Variants in SCAP observed in about 807,000 individuals in gnomAD.
SCAP encodes the protein SREBF chaperone, also known as sterol regulatory element-binding protein cleavage-activating protein.
A neutral mutation model predicts 123.6 loss-of-function variants in SCAP; 65 were observed. That is an observed-to-expected ratio of 0.53 (90% CI 0.43 to 0.65). SCAP has a LOEUF of 0.65. Among genes scored for constraint, SCAP ranks in the 30% least tolerant of loss-of-function variants. The probability of loss-of-function intolerance (pLI) is 0.00; values close to 1 mark genes in which losing one functional copy is unlikely to be tolerated. For missense variants in SCAP, 1,398 were observed against 1,712.5 expected (o/e 0.82, Z 3.24); for synonymous variants, 740 against 726.3 (o/e 1.02, Z -0.30).
At chr3:47,460,803 G>A (rs907926858) in intron 1 of SCAP, among the ~76,000 whole-genome samples, 5 of 152,234 alleles carry the variant, frequency 3.3e-5, no homozygotes, top group South Asian at 2.1e-4. Flanking sequence ...TGATCCACCC[G>A]CCTCGACCTC....
At chr3:47,434,607 G>A (rs1341201239) in intron 3 of SCAP, among the ~76,000 whole-genome samples, 1 of 152,224 alleles carries the variant, frequency 6.6e-6, no homozygotes, top group Non-Finnish European at 1.5e-5. Flanking sequence ...GGAGGCCAAG[G>A]CGGGTAGATC....
chr3:47,440,391 C>A (rs1031010312), intron 2 of SCAP, among the ~76,000 whole-genome samples: 1 of 152,034 alleles, frequency 6.6e-6, no homozygotes, highest in African/African-American at 2.4e-5. Context: ...TGGCCAAGTC[C>A]CAGAATCTAT....
chr3:47,467,876 T>TC (rs1707888787), intron 1 of SCAP, among the ~76,000 whole-genome samples: 1 of 76,098 alleles, frequency 1.3e-5, no homozygotes, highest in Non-Finnish European at 2.7e-5. Flanking sequence ...CCCTCCCCCC[T>TC]CCCCCCATCC....
chr3:47,428,596 G>A lies in SCAP; in HGVS notation c.327C>T (p.Leu109=), dbSNP rs1050234969. Residue 109 remains leucine (L), a synonymous_variant, in exon 4 of 23, where the codon CTC becomes CTT. Transcript: ENST00000265565. ...GTGAACGAAATACATCTACTGCCAGGAGGTTCTTGTGCCAGGGAAACACTG... is the reference window on the plus strand; with the variant it reads ...GTGAACGAAATACATCTACTGCCAGAAGGTTCTTGTGCCAGGGAAACACTG... The part of the protein sequence containing the change: ...KSSVFPWHKN[L]LAVDVFRSPL... 6 of 1,614,012 alleles carry A rather than the reference G, an allele frequency of 3.7e-6. No individual in the cohort carries two copies. Among genetic ancestry groups the A allele is most frequent in the Non-Finnish European group, 5.1e-6 (6 of 1,180,012 alleles).
intron 2 of SCAP, among the ~76,000 whole-genome samples, chr3:47,441,516 GA>G (rs1287372348): frequency 6.7e-6 from 1 of 149,628 alleles, no homozygotes; most frequent in Non-Finnish European, 1.5e-5. Flanking sequence ...TAACTTAAAG[GA>G]AAAAAAAACC....
At chr3:47,424,971 A>C (rs1387693252) in intron 8 of SCAP, among the ~76,000 whole-genome samples, 1 of 152,222 alleles carries the variant, frequency 6.6e-6, no homozygotes, top group Non-Finnish European at 1.5e-5. Context: ...TCAGTGAAAA[A>C]GGCGACAAAT....
intron 16 of SCAP, 21 bp from the exon 17 acceptor site, chr3:47,417,847 G>A: frequency 1.3e-6 from 2 of 1,497,344 alleles, no homozygotes; most frequent in African/African-American, 1.8e-5. Context: ...GGAGGGCGGA[G>A]TGAGAGGGGG....
chr3:47,422,661 T>C, intron 9 of SCAP, 125 bp from the exon 10 acceptor site: 1 of 724,776 alleles, frequency 1.4e-6, no homozygotes, highest in Non-Finnish European at 2.2e-6. Flanking sequence ...AAGGAGCCAT[T>C]CCACCAAAGC....
intron 1 of SCAP, among the ~76,000 whole-genome samples, chr3:47,467,737 A>G (rs909833863): frequency 2.6e-5 from 4 of 152,230 alleles, no homozygotes; most frequent in Non-Finnish European, 5.9e-5. Flanking sequence ...TGAGATACCA[A>G]TTCCCACCCA....
rs527488110 is a variant in SCAP at position 47,418,406 on chromosome 3, C to T, written c.2246G>A (p.Arg749Lys). The T allele has an allele frequency of 5.1e-6, 8 of 1,576,352 alleles. No homozygotes were observed. In the South Asian group the frequency reaches 9.2e-5, roughly 18 times the overall value. The change falls in exon 15 of 23, where the codon AGG becomes AAG. Residue 749 changes from arginine to lysine, a missense_variant. By Grantham distance (26) the Arg-to-Lys change is conservative (BLOSUM62 2). Around this residue, in one of 7 missense-constraint regions of SCAP, gnomAD observed 828 missense variants for 882.5 expected, o/e 0.94. Transcript: ENST00000265565. ...GTCGTCGCAGGGCAGCTCCCCGCGC[C>T]TCCGCCGCCCGGGCCCACCACCCAG... ...GQLGGGPGRRRRGELPCDDYG... is the reference protein window; with the variant it reads ...GQLGGGPGRRKRGELPCDDYG...
chr3:47,433,126 C>T (rs780555007), intron 3 of SCAP, among the ~76,000 whole-genome samples: 1 of 152,216 alleles, frequency 6.6e-6, no homozygotes, highest in Non-Finnish European at 1.5e-5. Flanking sequence ...CAGCCCTGCA[C>T]CTGGCTGAGT....
In SCAP at chr3:47,422,552, A is replaced by T. The variant is rs760359863; in HGVS notation, c.1151-16T>A. ...CTGCTTAGGCCTGCAGAGGGCAGCAACAGGGCACAGGGCAACACATGGCCA... is the reference window on the plus strand; with the variant it reads ...CTGCTTAGGCCTGCAGAGGGCAGCATCAGGGCACAGGGCAACACATGGCCA... On this transcript the variant is annotated splice_polypyrimidine_tract_variant and intron_variant, in intron 9 of 22. Coordinates refer to ENST00000265565, the MANE Select transcript of SCAP (RefSeq NM_012235.4). 1 of 1,595,560 alleles carries T rather than the reference A, an allele frequency of 6.3e-7. No homozygotes were observed. Among genetic ancestry groups the T allele is most frequent in the East Asian group, 2.3e-5 (1 of 44,368 alleles).
At position 47,475,905 on chromosome 3, in the gene SCAP, T is replaced by A. The variant is rs561178668; in HGVS notation, c.-205A>T. The stretch of plus-strand genomic sequence containing the variant: ...CGCTCTCGGCCCGCAGTCCGGTGCG[T>A]GGCGCCCTCCCTCTCTCTCCTGGCC... On this transcript the variant is annotated 5_prime_UTR_variant, in exon 1 of 23. Coordinates refer to ENST00000265565, the MANE Select transcript of SCAP (RefSeq NM_012235.4). 2.0e-5 allele frequency: 3 copies of A among 153,712 alleles called. No individual in the cohort carries two copies. The highest frequency in any genetic ancestry group is 2.9e-5 in the Non-Finnish European group (2 of 68,992). 9.5% of individuals were successfully genotyped at this position (153,712 alleles called of 1,614,324 possible). A position where few individuals can be genotyped will look rare whatever the true frequency, so the allele number is the denominator to read the frequency against.
intron 5 of SCAP, 30 bp from the exon 6 acceptor site, chr3:47,427,292 C>T: frequency 6.3e-7 from 1 of 1,584,310 alleles, no homozygotes; most frequent in Non-Finnish European, 8.7e-7. Context: ...GGTACTGACA[C>T]AGAAATGACA....
At chr3:47,472,608 G>A (rs1576323993) in intron 1 of SCAP, among the ~76,000 whole-genome samples, 1 of 152,022 alleles carries the variant, frequency 6.6e-6, no homozygotes, top group East Asian at 1.9e-4. Context: ...TAGCATCCCT[G>A]CAACCATTCT....
At chr3:47,464,341 G>T (rs1452576307) in intron 1 of SCAP, among the ~76,000 whole-genome samples, 1 of 151,506 alleles carries the variant, frequency 6.6e-6, no homozygotes, top group Non-Finnish European at 1.5e-5. Context: ...AGAGATGAGG[G>T]TCTCACTATG....
chr3:47,438,551 C>T (rs866212184), intron 2 of SCAP, among the ~76,000 whole-genome samples: 72 of 152,150 alleles, frequency 4.7e-4, no homozygotes, highest in African/African-American at 1.4e-4. Flanking sequence ...CGGTGGCTCA[C>T]GCCTGTAATC....
chr3:47,444,370 G>A (rs944471775), intron 1 of SCAP, among the ~76,000 whole-genome samples: 1 of 152,202 alleles, frequency 6.6e-6, no homozygotes, highest in South Asian at 2.1e-4. Flanking sequence ...AGAAGCAAAA[G>A]GAGTCACACC....
rs771942359 is a variant in SCAP, at chr3:47,415,156, A to G, written c.3081T>C (p.Gly1027=). The change falls in exon 19 of 23, where the codon GGT becomes GGC. Residue 1027 remains glycine (G), a synonymous_variant. Transcript: ENST00000265565. ...DKRIVAARLN[G]SLDFFSLETH... ...TCTCCAAGGAGAAGAAATCAAGGGA[A>G]CCGTTGAGCCGTGCAGCCACAATCC... 2.5e-6 allele frequency: 4 copies of G among 1,611,914 alleles called. No homozygotes were observed. Among genetic ancestry groups the G allele is most frequent in the Admixed American group, 3.3e-5 (2 of 59,804 alleles).
Sources: gnomAD v4.1 joint callset for allele counts (sites outside exome capture counted in the v4.1 genomes callset) on GRCh38, gnomAD v4.1.1 for gene constraint, gnomAD v4.1.1 regional missense constraint, MANE v1.5 for transcripts, NCBI Gene and HGNC (gene_info 2026-07-23, HGNC 2026-07-21) for gene names.